Variants in CXCL12 observed in about 807,000 individuals in gnomAD.
CXCL12 encodes the protein C-X-C motif chemokine ligand 12, also known as stromal cell-derived factor 1.
CXCL12 carries 4 observed loss-of-function variants against 10.7 expected under a neutral mutation model. The observed-to-expected ratio is 0.37, with a 90% CI of 0.18 to 0.86. CXCL12 has a LOEUF of 0.86. CXCL12 is among the 40% of genes least tolerant of loss of function. The pLI, the probability that CXCL12 is intolerant of heterozygous loss-of-function variation, is 0.43. For missense variants in CXCL12, 122 were observed against 110.4 expected (o/e 1.10, Z -0.47); for synonymous variants, 54 against 45.4 (o/e 1.19, Z -0.77).
At chr10:44,373,925 C>T (rs578038778), downstream of CXCL12, among the ~76,000 whole-genome samples, 11 of 152,202 alleles carry the variant, frequency 7.2e-5, no homozygotes, top group Non-Finnish European at 1.5e-4. Flanking sequence ...TTGGCTCTGA[C>T]TGGTGTGAGC....
downstream of CXCL12, chr10:44,371,301 GT>G: frequency 2.2e-6 from 1 of 447,090 alleles, no homozygotes; most frequent in South Asian, 1.7e-5. Context: ...TTAGGGTCAT[GT>G]TTGTTTCCTC....
Position 44,377,756 on chromosome 10 carries a change from TC to T in CXCL12, c.*876del. 6.3e-7 allele frequency: 1 copy of T among 1,598,266 alleles called. No individual in the cohort carries two copies. On this transcript the variant is annotated 3_prime_UTR_variant, in exon 3 of 3. Coordinates refer to ENST00000343575, the MANE Select transcript of CXCL12 (RefSeq NM_199168.4). Reference sequence around the variant, plus strand: ...GGGTAAGCAGGGGGACCATTACACATCCCCAGGAGAGGGCCAGCTCCATTCT... The same window carrying T: ...GGGTAAGCAGGGGGACCATTACACATCCCAGGAGAGGGCCAGCTCCATTCT...
At chr10:44,376,931 A>T, downstream of CXCL12, 2 of 176,956 alleles carry the variant, frequency 1.1e-5, no homozygotes, top group Non-Finnish European at 2.2e-5. Context: ...AAAAAAAAAG[A>T]TCCAAAAACT....
downstream of CXCL12, chr10:44,372,772 C>G: frequency 5.5e-6 from 8 of 1,444,428 alleles, no homozygotes; most frequent in Non-Finnish European, 6.3e-6. Context: ...TGCCTCAGCT[C>G]AGGGTAGCCC....
At chr10:44,373,286 G>T, downstream of CXCL12, 1 of 1,597,152 alleles carries the variant, frequency 6.3e-7, no homozygotes, top group Non-Finnish European at 8.5e-7. Context: ...TGGTTTCAGA[G>T]CTGGGCTCCT....
Position 44,378,216 on chromosome 10 carries a change from A to G in CXCL12, c.*417T>C. On this transcript the variant is annotated 3_prime_UTR_variant, in exon 3 of 3. Transcript: ENST00000343575. Reference sequence around the variant, plus strand: ...CCACCTGACTGTGCCCAGACTCCCCAGGGGAGCAGAGGAGATGCTCCAAAC... The same window carrying G: ...CCACCTGACTGTGCCCAGACTCCCCGGGGGAGCAGAGGAGATGCTCCAAAC... The G allele has an allele frequency of 4.1e-6, 6 of 1,448,704 alleles. No homozygotes were observed. Among genetic ancestry groups the G allele is most frequent in the Non-Finnish European group, 4.6e-6 (5 of 1,090,794 alleles). 89.7% of individuals were successfully genotyped at this position (1,448,704 alleles called of 1,614,324 possible). A position where few individuals can be genotyped will look rare whatever the true frequency, so the allele number is the denominator to read the frequency against.
chr10:44,378,179 C>T lies in CXCL12; in HGVS notation c.*454G>A, dbSNP rs1321496732. 9.2e-6 allele frequency: 13 copies of T among 1,411,324 alleles called. No individual in the cohort carries two copies. The highest frequency in any genetic ancestry group is 1.2e-5 in the Non-Finnish European group (13 of 1,079,516). 87.4% of individuals were successfully genotyped at this position (1,411,324 alleles called of 1,614,324 possible). A position where few individuals can be genotyped will look rare whatever the true frequency, so the allele number is the denominator to read the frequency against. ...GAAGAAAGGACACTTTTTCCAGCTC[C>T]CTGTTAAGCCACCACCTGACTGTGC... On this transcript the variant is annotated 3_prime_UTR_variant, in exon 3 of 3. Transcript: ENST00000343575.
chr10:44,372,817 A>G (rs1257398819), downstream of CXCL12: 1 of 1,483,912 alleles, frequency 6.7e-7, no homozygotes. Flanking sequence ...CCCGGCTCCC[A>G]TGTGGATGGA....
At chr10:44,375,314 A>G (rs1839423126), downstream of CXCL12, among the ~76,000 whole-genome samples, 1 of 152,202 alleles carries the variant, frequency 6.6e-6, no homozygotes, top group African/African-American at 2.4e-5. Flanking sequence ...CCACTCCCAC[A>G]ACCCAGGAAG....
downstream of CXCL12, chr10:44,372,697 A>C: frequency 1.4e-6 from 2 of 1,423,518 alleles, no homozygotes; most frequent in Non-Finnish European, 9.1e-7. Flanking sequence ...GATGAGCAGA[A>C]CGTGGAGGAT....
downstream of CXCL12, among the ~76,000 whole-genome samples, chr10:44,373,672 A>G (rs891984762): frequency 2.0e-5 from 3 of 152,310 alleles, no homozygotes; most frequent in Admixed American, 1.3e-4. Flanking sequence ...CTTACCCGGC[A>G]CCGGCGTGGG....
chr10:44,378,833 G>C (rs1311554266), intron 2 of CXCL12, 110 bp from the exon 3 acceptor site: 5 of 1,091,478 alleles, frequency 4.6e-6, no homozygotes, highest in Non-Finnish European at 7.0e-6. Context: ...GGCACCCCGT[G>C]CTCCACTTGG....
chr10:44,372,709 T>C (rs540164275), downstream of CXCL12: 492 of 1,426,904 alleles, frequency 3.4e-4, 1 homozygote, highest in Middle Eastern at 4.7e-3. Flanking sequence ...GTGGAGGATG[T>C]GGAGGTGCTC....
Position 44,378,088 on chromosome 10 carries a change from T to G in CXCL12, c.*545A>C. Reference sequence around the variant, plus strand: ...AGGCAGTGGCGGCGCCCAGCCCCAGTCGGTATCTGAGTGCCACAGAGGCCT... The same window carrying G: ...AGGCAGTGGCGGCGCCCAGCCCCAGGCGGTATCTGAGTGCCACAGAGGCCT... On this transcript the variant is annotated 3_prime_UTR_variant, in exon 3 of 3. Coordinates refer to ENST00000343575, the MANE Select transcript of CXCL12 (RefSeq NM_199168.4). 6.9e-7 allele frequency: 1 copy of G among 1,452,568 alleles called. No individual in the cohort carries two copies. Among genetic ancestry groups the G allele is most frequent in the Non-Finnish European group, 9.0e-7 (1 of 1,110,896 alleles). The allele number at this position is 1,452,568 out of a possible 1,614,324, so 90.0% of individuals were successfully genotyped here.
At chr10:44,375,992 CTA>C (rs1227289892), downstream of CXCL12, 6 of 1,613,840 alleles carry the variant, frequency 3.7e-6, no homozygotes, top group Non-Finnish European at 5.1e-6. Flanking sequence ...TTCTTTTTTC[CTA>C]TCTTTTCTTT....
At position 44,377,958 on chromosome 10, in the gene CXCL12, G is replaced by A. The variant is rs1296042931; in HGVS notation, c.*675C>T. 3 of 1,527,370 alleles carry A rather than the reference G, an allele frequency of 2.0e-6. No individual in the cohort carries two copies. The Admixed American group carries it at 6.2e-5, about 32-fold the overall frequency. The allele number at this position is 1,527,370 out of a possible 1,614,324, so 94.6% of individuals were successfully genotyped here. ...TTAAGCATGCTCTCGGAGTCGGGGA[G>A]AGAGTAGGAATAGCTGGGAGAGGGG... On this transcript the variant is annotated 3_prime_UTR_variant, in exon 3 of 3. Transcript: ENST00000343575.
At chr10:44,371,401 T>C (rs1174844815), downstream of CXCL12, 2 of 459,518 alleles carry the variant, frequency 4.4e-6, no homozygotes, top group Non-Finnish European at 8.7e-6. Context: ...TTGGATTACC[T>C]GGATAATGAC....
In CXCL12 at chr10:44,385,031, G is replaced by T. The variant is rs1266513638; in HGVS notation, c.-26C>A. On this transcript the variant is annotated 5_prime_UTR_variant, in exon 1 of 3. Transcript: ENST00000343575. ...GGCGCGGGCGGGCGGGCGGGCGGGC[G>T]GACGAGCGCGGGTCGGGGGCCGGAC... 1 of 1,437,480 alleles carries T rather than the reference G, an allele frequency of 7.0e-7. No homozygotes were observed. The highest frequency in any genetic ancestry group is 1.3e-5 in the South Asian group (1 of 77,136). 89.0% of individuals were successfully genotyped at this position (1,437,480 alleles called of 1,614,324 possible).
At chr10:44,371,286 A>G (rs1839306023), downstream of CXCL12, 1 of 392,440 alleles carries the variant, frequency 2.5e-6, no homozygotes, top group Non-Finnish European at 5.0e-6. Flanking sequence ...GACTGTAGTC[A>G]AGATTTAGGG....
Sources: gnomAD v4.1 joint callset for allele counts (sites outside exome capture counted in the v4.1 genomes callset) on GRCh38, gnomAD v4.1.1 for gene constraint, MANE v1.5 for transcripts, NCBI Gene and HGNC (gene_info 2026-07-23, HGNC 2026-07-21) for gene names.